Variants in RNF20 observed in about 807,000 individuals in gnomAD.
RNF20 encodes E3 ubiquitin-protein ligase BRE1A.
Under a neutral mutation model 126.2 loss-of-function variants are expected in RNF20, and 84 were observed. That is an observed-to-expected ratio of 0.67 (90% CI 0.56 to 0.80). RNF20 has a LOEUF of 0.80. Among genes scored for constraint, RNF20 ranks in the 30% least tolerant of loss-of-function variants. The probability of loss-of-function intolerance (pLI) is 0.00; values close to 1 mark genes in which losing one functional copy is unlikely to be tolerated. For missense variants in RNF20, 869 were observed against 1,188.2 expected (o/e 0.73, Z 3.95); for synonymous variants, 400 against 414.3 (o/e 0.97, Z 0.42).
Position 101,552,621 on chromosome 9 carries a change from G to C in RNF20, c.1769G>C (p.Arg590Thr). 1.3e-6 allele frequency: 2 copies of C among 1,529,918 alleles called. No individual in the cohort carries two copies. Among genetic ancestry groups the C allele is most frequent in the Non-Finnish European group, 1.8e-6 (2 of 1,103,376 alleles). The allele number at this position is 1,529,918 out of a possible 1,614,324, so 94.8% of individuals were successfully genotyped here. ...AGAGAACGGGAGAAGGAGAAGGAGA[G>C]AGAACGAGAGAAGCAGAAGCTAAAA... ...REREREKEKE[R>T]EREKQKLKES... The change falls in exon 13 of 20, where the codon AGA becomes ACA. Residue 590 changes from arginine to threonine, a missense_variant. This residue lies in a region of RNF20 where 231 missense variants were observed against 263.6 expected (regional missense o/e 0.88). Coordinates refer to ENST00000389120, the MANE Select transcript of RNF20 (RefSeq NM_019592.7).
chr9:101,534,874 G>C (rs990773681), intron 1 of RNF20, among the ~76,000 whole-genome samples: 1 of 150,822 alleles, frequency 6.6e-6, no homozygotes, highest in Non-Finnish European at 1.5e-5. Context: ...ATCCTATTTA[G>C]AAATTTATAG....
chr9:101,559,180 G>A (rs1291041649), intron 16 of RNF20, among the ~76,000 whole-genome samples: 2 of 151,994 alleles, frequency 1.3e-5, no homozygotes, highest in African/African-American at 4.8e-5. Context: ...TTATGTTTTT[G>A]TTTGGTTTGT....
intron 15 of RNF20, among the ~76,000 whole-genome samples, chr9:101,555,177 T>C (rs565460932): frequency 6.6e-6 from 1 of 152,040 alleles, no homozygotes; most frequent in East Asian, 1.9e-4. Context: ...AAATGAAAAA[T>C]AAGACATAAG....
At chr9:101,548,139 TGTG>T (rs749444222) in intron 9 of RNF20, among the ~76,000 whole-genome samples, 5 of 151,934 alleles carry the variant, frequency 3.3e-5, no homozygotes, top group Admixed American at 6.6e-5. Flanking sequence ...GATAAAGAAA[TGTG>T]GTGTGTGTTT....
chr9:101,548,372 T>G (rs1353021879), intron 9 of RNF20, among the ~76,000 whole-genome samples: 10 of 152,214 alleles, frequency 6.6e-5, no homozygotes, highest in Admixed American at 6.5e-4. Flanking sequence ...GTTTTAGTTA[T>G]GCAGGATGAA....
At chr9:101,556,401 A>C (rs960825460) in intron 15 of RNF20, among the ~76,000 whole-genome samples, 1 of 152,192 alleles carries the variant, frequency 6.6e-6, no homozygotes, top group Non-Finnish European at 1.5e-5. Flanking sequence ...AGTACACATG[A>C]TACTTATTAT....
intron 2 of RNF20, among the ~76,000 whole-genome samples, chr9:101,535,878 G>T (rs2118663816): frequency 6.6e-6 from 1 of 152,324 alleles, no homozygotes; most frequent in Non-Finnish European, 1.5e-5. Context: ...CAGATTCTAA[G>T]AGACAGTTTA....
intron 16 of RNF20, among the ~76,000 whole-genome samples, chr9:101,559,740 TA>T (rs1032755226): frequency 6.6e-6 from 1 of 152,236 alleles, no homozygotes; most frequent in Admixed American, 6.5e-5. Context: ...CTGATTTGTG[TA>T]CATTAATTTT....
intron 5 of RNF20, among the ~76,000 whole-genome samples, chr9:101,544,044 ACT>A (rs35687822): frequency 0.15 from 22,658 of 152,060 alleles, 1,883 homozygotes; most frequent in East Asian, 0.23. Context: ...CTTCCTGATA[ACT>A]CTCTTTGATG....
intron 5 of RNF20, 41 bp downstream of exon 5, chr9:101,541,016 A>G (rs745505185): frequency 6.7e-6 from 10 of 1,497,556 alleles, no homozygotes; most frequent in Middle Eastern, 1.8e-4. Flanking sequence ...TGGAGGAGGA[A>G]TAAGAATTCA....
chr9:101,549,441 C>T (rs1399687898), intron 9 of RNF20, among the ~76,000 whole-genome samples: 3 of 152,108 alleles, frequency 2.0e-5, no homozygotes, highest in Non-Finnish European at 4.4e-5. Context: ...GTCAGGTGTA[C>T]AGGATGGAAC....
intron 9 of RNF20, among the ~76,000 whole-genome samples, 171 bp from the exon 10 acceptor site, chr9:101,550,430 CTAATT>C (rs1003843025): frequency 6.6e-6 from 1 of 152,124 alleles, no homozygotes; most frequent in African/African-American, 2.4e-5. Context: ...CCTAGTTAGT[CTAATT>C]TAATTTTGGG....
chr9:101,552,235 G>C lies in RNF20; in HGVS notation c.1503G>C (p.Leu501Phe). Residue 501 changes from leucine to phenylalanine, a missense_variant, in exon 12 of 20, where the codon TTG (leucine) becomes TTC (phenylalanine). This residue lies in a region of RNF20 where 231 missense variants were observed against 263.6 expected (regional missense o/e 0.88). Transcript: ENST00000389120. ...KGEVLRYKRK[L>F]REAQSDLNKT... ...AGGTCCTGAGATATAAGCGGAAATTGAGAGAAGCCCAGTCTGACCTGAACA... is the reference window on the plus strand; with the variant it reads ...AGGTCCTGAGATATAAGCGGAAATTCAGAGAAGCCCAGTCTGACCTGAACA... The C allele has an allele frequency of 6.2e-7, 1 of 1,614,204 alleles. No individual in the cohort carries two copies. The highest frequency in any genetic ancestry group is 8.5e-7 in the Non-Finnish European group (1 of 1,180,024).
Position 101,547,453 on chromosome 9 carries a change from C to G in RNF20, c.1027C>G (p.Leu343Val). 6.2e-7 allele frequency: 1 copy of G among 1,614,158 alleles called. No homozygotes were observed. The highest frequency in any genetic ancestry group is 8.5e-7 in the Non-Finnish European group (1 of 1,180,000). ...EENKELAQNRLCELEKLRQDF... is the reference protein window; with the variant it reads ...EENKELAQNRVCELEKLRQDF... ...GAACAAAGAGTTGGCTCAGAACCGTCTCTGTGAGCTGGAGAAACTTCGGCA... is the reference window on the plus strand; with the variant it reads ...GAACAAAGAGTTGGCTCAGAACCGTGTCTGTGAGCTGGAGAAACTTCGGCA... Residue 343 changes from leucine (L) to valine (V), a missense_variant, in exon 9 of 20, where the codon CTC becomes GTC. Leu to Val is a conservative substitution (Grantham distance 32, BLOSUM62 1). Around this residue, in one of 8 missense-constraint regions of RNF20, gnomAD observed 153 missense variants for 226.4 expected, o/e 0.68. Transcript: ENST00000389120.
intron 5 of RNF20, among the ~76,000 whole-genome samples, chr9:101,543,054 G>T (rs953165821): frequency 6.6e-6 from 1 of 152,150 alleles, no homozygotes; most frequent in Non-Finnish European, 1.5e-5. Flanking sequence ...ATTCCCTGTG[G>T]AATTTCTACC....
chr9:101,550,487 A>C (rs1238553542), intron 9 of RNF20, 119 bp from the exon 10 acceptor site: 1 of 814,974 alleles, frequency 1.2e-6, no homozygotes, highest in Non-Finnish European at 2.0e-6. Context: ...ATAACTTAAT[A>C]ATCTTTATAA....
In RNF20 at chr9:101,557,845, C is replaced by T. The variant is rs144302331; in HGVS notation, c.2382+249C>T. On this transcript the variant is annotated intron_variant, in intron 16 of 19. Transcript: ENST00000389120. ...ACATGTCTGAAATAAAATCAAGTGA[C>T]GTGTTTTGTTATCCTTTTTGCGTTA... 1.4e-3 allele frequency among the ~76,000 whole-genome samples: 217 copies of T among 152,056 alleles called. 3 individuals are homozygous for T. The East Asian group carries it at 0.025, about 17-fold the overall frequency.
chr9:101,561,895 G>A lies in RNF20; in HGVS notation c.2650-15G>A. On this transcript the variant is annotated splice_polypyrimidine_tract_variant and intron_variant, in intron 18 of 19. Coordinates refer to ENST00000389120, the MANE Select transcript of RNF20 (RefSeq NM_019592.7). ...TTGGGTAAGTGTGTCTAATGGGTAT[G>A]CTATCCTGCCACAGGAGGACATCTC... 1.9e-6 allele frequency: 3 copies of A among 1,564,098 alleles called. No individual in the cohort carries two copies. Among genetic ancestry groups the A allele is most frequent in the Non-Finnish European group, 2.6e-6 (3 of 1,134,584 alleles).
rs1827459387 is a variant in RNF20, at chr9:101,552,279, G to C, written c.1530+17G>C. Reference sequence around the variant, plus strand: ...CTGAACAAGGTAACCAGAGGGAATAGAATAAATATCATTTGCTATTAATGT... The same window carrying C: ...CTGAACAAGGTAACCAGAGGGAATACAATAAATATCATTTGCTATTAATGT... On this transcript the variant is annotated intron_variant, in intron 12 of 19. Transcript: ENST00000389120. The C allele has an allele frequency of 6.2e-7, 1 of 1,614,016 alleles. No individual in the cohort carries two copies. The highest frequency in any genetic ancestry group is 8.5e-7 in the Non-Finnish European group (1 of 1,179,998).
Sources: allele counts gnomAD v4.1 joint callset (sites outside exome capture counted in the v4.1 genomes callset), GRCh38; gene constraint gnomAD v4.1.1; regional missense constraint gnomAD v4.1.1; transcripts MANE v1.5; gene names NCBI Gene and HGNC (gene_info 2026-07-23, HGNC 2026-07-21).